KIF11: variants seen among roughly 807,000 people sequenced by gnomAD.
The protein encoded by KIF11 is kinesin-like protein KIF11.
Under a neutral mutation model 121.0 loss-of-function variants are expected in KIF11, and 9 were observed. The ratio of observed to expected loss-of-function variants is 0.07; its 90% CI spans 0.04 to 0.13. The LOEUF (loss-of-function observed/expected upper bound fraction) is 0.13. Ranked by LOEUF, KIF11 falls within the 10% of genes least tolerant of loss-of-function variation. The probability of loss-of-function intolerance (pLI) is 1.00; values close to 1 mark genes in which losing one functional copy is unlikely to be tolerated. For synonymous variants in KIF11, 408 were observed against 421.0 expected (o/e 0.97, Z 0.38); for missense variants, 846 against 1,217.5 (o/e 0.69, Z 4.54).
chr10:92,646,393 C>T (rs1314662857), intron 18 of KIF11, among the ~76,000 whole-genome samples: 5 of 152,144 alleles, frequency 3.3e-5, no homozygotes, highest in Non-Finnish European at 5.9e-5. Flanking sequence ...CCCTTTGTAA[C>T]TTGGTTTTTT....
chr10:92,650,102 T>C, intron 20 of KIF11, 116 bp downstream of exon 20: 1 of 746,940 alleles, frequency 1.3e-6, no homozygotes, highest in Non-Finnish European at 2.2e-6. Context: ...CTCTCATTAA[T>C]GATAGGCCTA....
At chr10:92,652,917 G>A (rs1326813621) in intron 21 of KIF11, among the ~76,000 whole-genome samples, 1 of 152,152 alleles carries the variant, frequency 6.6e-6, no homozygotes, top group African/African-American at 2.4e-5. Context: ...TTAAAAGTTG[G>A]TTTACAATTT....
intron 9 of KIF11, among the ~76,000 whole-genome samples, chr10:92,618,179 A>C (rs1268403606): frequency 6.6e-6 from 1 of 151,914 alleles, no homozygotes; most frequent in Admixed American, 6.6e-5. Context: ...TGTCTTATTA[A>C]GTTGTAAGGA....
intron 1 of KIF11, chr10:92,597,424 T>TCTCCC: frequency 6.5e-6 from 1 of 153,142 alleles, no homozygotes. Flanking sequence ...CCACCATGCC[T>TCTCCC]GGCTAATTTT....
chr10:92,650,066 C>T, intron 20 of KIF11, 80 bp downstream of exon 20: 12 of 1,060,920 alleles, frequency 1.1e-5, no homozygotes, highest in Non-Finnish European at 1.7e-5. Flanking sequence ...AAGAATTTTA[C>T]TGTTTACCCC....
chr10:92,617,306 A>G (rs1844567017), intron 9 of KIF11, among the ~76,000 whole-genome samples: 1 of 152,208 alleles, frequency 6.6e-6, no homozygotes, highest in South Asian at 2.1e-4. Context: ...CGTTTCCTAT[A>G]AATGGAATCA....
Position 92,616,756 on chromosome 10 carries a change from A to T in KIF11, c.1052A>T (p.Glu351Val). ...TGACAGGAAACTCTGAGTACATTGG[A>T]ATATGCTCATAGAGCAAAGAACATA... ...LNLEETLSTLEYAHRAKNILN... is the reference protein window; with the variant it reads ...LNLEETLSTLVYAHRAKNILN... Residue 351 changes from glutamate to valine, a missense_variant, in exon 9 of 22, where the codon GAA becomes GTA. Physicochemically the swap from Glu to Val is moderately radical, Grantham distance 121 (BLOSUM62 -2). Around this residue, in one of 5 missense-constraint regions of KIF11, gnomAD observed 116 missense variants for 285.3 expected, o/e 0.41. Coordinates refer to ENST00000260731, the MANE Select transcript of KIF11 (RefSeq NM_004523.4). 1 of 1,597,740 alleles carries T rather than the reference A, an allele frequency of 6.3e-7. No individual in the cohort carries two copies. Among genetic ancestry groups the T allele is most frequent in the Non-Finnish European group, 8.6e-7 (1 of 1,168,216 alleles).
chr10:92,599,294 C>G (rs1251265801), intron 1 of KIF11, among the ~76,000 whole-genome samples: 1 of 151,700 alleles, frequency 6.6e-6, no homozygotes, highest in African/African-American at 2.4e-5. Flanking sequence ...GGTGGGCCTC[C>G]CAACTCCTGA....
intron 4 of KIF11, among the ~76,000 whole-genome samples, chr10:92,608,512 C>A (rs573364000): frequency 6.6e-6 from 1 of 151,652 alleles, no homozygotes. Context: ...GATCTTGGCT[C>A]ACTGCAACCT....
intron 11 of KIF11, among the ~76,000 whole-genome samples, chr10:92,629,548 T>C (rs1193899669): frequency 6.6e-6 from 1 of 152,174 alleles, no homozygotes; most frequent in Admixed American, 6.5e-5. Flanking sequence ...ATAAAAGTAA[T>C]ATAACTAGGG....
rs1290584991 is a variant in KIF11, at chr10:92,650,503, G to T, written c.3025G>T (p.Val1009Phe). 6.2e-7 allele frequency: 1 copy of T among 1,605,522 alleles called. No homozygotes were observed. The highest frequency in any genetic ancestry group is 2.2e-5 in the East Asian group (1 of 44,822). Reference protein sequence around the residue: ...AGVDCSSIGGVPFFQHKKSHG... With the variant: ...AGVDCSSIGGFPFFQHKKSHG... Reference sequence around the variant, plus strand: ...TGTGGATTGTTCATCAATTGGCGGGGTTCCATTTTTCCAGGTATGTCATAT... The same window carrying T: ...TGTGGATTGTTCATCAATTGGCGGGTTTCCATTTTTCCAGGTATGTCATAT... The change falls in exon 21 of 22, where the codon GTT becomes TTT. Residue 1009 changes from valine to phenylalanine, a missense_variant. By Grantham distance (50) the Val-to-Phe change is conservative. Transcript: ENST00000260731.
At chr10:92,606,997 G>A (rs554766665) in intron 3 of KIF11, among the ~76,000 whole-genome samples, 162 bp from the exon 4 acceptor site, 2 of 152,202 alleles carry the variant, frequency 1.3e-5, no homozygotes, top group African/African-American at 4.8e-5. Flanking sequence ...GGCTGGTCTC[G>A]AACTCCGGAC....
At chr10:92,629,528 T>A (rs1413002295) in intron 11 of KIF11, among the ~76,000 whole-genome samples, 4 of 152,160 alleles carry the variant, frequency 2.6e-5, no homozygotes. Flanking sequence ...TGGGAGAGAC[T>A]GGATGTTAAA....
intron 17 of KIF11, among the ~76,000 whole-genome samples, chr10:92,641,924 C>T (rs1349226915): frequency 6.6e-6 from 1 of 152,128 alleles, no homozygotes; most frequent in Non-Finnish European, 1.5e-5. Flanking sequence ...TCATCTCTAA[C>T]CTACTGTTAA....
chr10:92,598,266 A>T (rs6583827), intron 1 of KIF11, among the ~76,000 whole-genome samples: 106,426 of 152,068 alleles, frequency 0.7, 38,605 homozygotes, highest in East Asian at 0.93. Context: ...TTGAGTTAAT[A>T]TTTGTATATT....
intron 4 of KIF11, among the ~76,000 whole-genome samples, 166 bp downstream of exon 4, chr10:92,607,403 C>T (rs941965422): frequency 6.6e-6 from 1 of 152,150 alleles, no homozygotes; most frequent in Non-Finnish European, 1.5e-5. Context: ...GGTATGACTC[C>T]TGTTTAAGAA....
In KIF11 at chr10:92,632,619, A is replaced by G. The variant is rs1844750557; in HGVS notation, c.1628A>G (p.Asn543Ser). The G allele has an allele frequency of 3.7e-6, 6 of 1,613,626 alleles. No individual in the cohort carries two copies. Among genetic ancestry groups the G allele is most frequent in the Non-Finnish European group, 5.1e-6 (6 of 1,179,766 alleles). ...GGCAAAAACCTGAATAGTCTGTTTA[A>G]TAATATGGAAGAATTAATTAAGGAT... Reference protein sequence around the residue: ...IFGKNLNSLFNNMEELIKDGS... With the variant: ...IFGKNLNSLFSNMEELIKDGS... The change falls in exon 13 of 22, where the codon AAT (asparagine) becomes AGT (serine). Residue 543 changes from asparagine (N) to serine (S), a missense_variant. Asn to Ser is a conservative substitution (Grantham distance 46). This residue lies in a region of KIF11 where 492 missense variants were observed against 603.4 expected (regional missense o/e 0.82). Coordinates refer to ENST00000260731, the MANE Select transcript of KIF11 (RefSeq NM_004523.4).
At chr10:92,593,501 G>C in intron 1 of KIF11, 49 bp downstream of exon 1, 1 of 1,515,688 alleles carries the variant, frequency 6.6e-7, no homozygotes, top group South Asian at 1.2e-5. Flanking sequence ...TCGCTGCTGG[G>C]CCCCCTACTG....
At chr10:92,627,404 T>C (rs1190893807) in intron 10 of KIF11, among the ~76,000 whole-genome samples, 1 of 152,218 alleles carries the variant, frequency 6.6e-6, no homozygotes, top group Non-Finnish European at 1.5e-5. Context: ...ATGACTTCTT[T>C]TGACTTTGAC....
Sources: allele counts gnomAD v4.1 joint callset (sites outside exome capture counted in the v4.1 genomes callset), GRCh38; gene constraint gnomAD v4.1.1; regional missense constraint gnomAD v4.1.1; transcripts MANE v1.5; gene names NCBI Gene and HGNC (gene_info 2026-07-23, HGNC 2026-07-21).